PTPRA: variants seen among roughly 807,000 people sequenced by gnomAD.
PTPRA encodes the protein protein tyrosine phosphatase receptor type A, also known as receptor-type tyrosine-protein phosphatase alpha.
In PTPRA, 25 loss-of-function variants were observed where a neutral mutation model predicts 104.8. That is an observed-to-expected ratio of 0.24 (90% CI 0.17 to 0.33). The LOEUF is 0.33. PTPRA is among the 10% of genes least tolerant of loss of function. The pLI is 1.00. For missense variants in PTPRA, 765 were observed against 1,015.3 expected, an observed-to-expected ratio of 0.75 and a Z score of 3.35; for synonymous variants, 323 against 368.9, an observed-to-expected ratio of 0.88 and a Z score of 1.43.
chr20:2,893,562 A>G (rs764117995), intron 1 of PTPRA, among the ~76,000 whole-genome samples: 1 of 152,192 alleles, frequency 6.6e-6, no homozygotes, highest in African/African-American at 2.4e-5. Context: ...TATATATCAT[A>G]TATTTAATCA....
At chr20:2,993,188 A>G (rs1249223058) in intron 9 of PTPRA, among the ~76,000 whole-genome samples, 1 of 152,148 alleles carries the variant, frequency 6.6e-6, no homozygotes, top group Non-Finnish European at 1.5e-5. Flanking sequence ...TGTCTCCAAA[A>G]CTCAAAATGG....
At chr20:2,934,341 C>T (rs993810673) in intron 2 of PTPRA, among the ~76,000 whole-genome samples, 21 of 152,120 alleles carry the variant, frequency 1.4e-4, no homozygotes, top group Admixed American at 1.2e-3. Flanking sequence ...TGGGCTCAAG[C>T]GACCTGCCCA....
chr20:3,035,680 C>A lies in PTPRA; in HGVS notation c.2016C>A (p.Thr672=), dbSNP rs576742252. Residue 672 remains threonine, a synonymous_variant, in exon 21 of 24, where the codon ACC becomes ACA. Transcript: ENST00000399903. The surrounding 1 kb of genome is among the most constrained non-coding windows in gnomAD (Gnocchi z 5.8). ...AGGAGGAGGAATGTGAGAGCTACAC[C>A]GTCCGAGACCTCCTGGTCACCAACA... ...LKKEEECESY[T]VRDLLVTNTR... The A allele has an allele frequency of 6.2e-7, 1 of 1,614,174 alleles. No individual in the cohort carries two copies. The highest frequency in any genetic ancestry group is 1.1e-5 in the South Asian group (1 of 91,082).
At chr20:2,911,881 A>G (rs2059735471) in intron 1 of PTPRA, among the ~76,000 whole-genome samples, 1 of 151,814 alleles carries the variant, frequency 6.6e-6, no homozygotes, top group Non-Finnish European at 1.5e-5. Flanking sequence ...AAGTCAGTGA[A>G]AAAAAAAGAC....
intron 1 of PTPRA, among the ~76,000 whole-genome samples, chr20:2,892,015 C>T (rs573703292): frequency 3.3e-5 from 5 of 151,906 alleles, no homozygotes; most frequent in Non-Finnish European, 7.4e-5. Flanking sequence ...CTGGGCCGGG[C>T]GCGGTGGCTC....
Position 3,037,947 on chromosome 20 carries a change from A to G in PTPRA, c.2335-112A>G. 5.4e-6 allele frequency: 5 copies of G among 922,840 alleles called. No individual in the cohort carries two copies. The highest frequency in any genetic ancestry group is 8.6e-6 in the Non-Finnish European group (5 of 580,784). The allele number at this position is 922,840 out of a possible 1,614,324, so 57.2% of individuals were successfully genotyped here. ...AGAGCTCAGGTGAAAGTTCAAAAAC[A>G]TTCAGTTCCTCTTGATTTTCCATCT... On this transcript the variant is annotated intron_variant, in intron 23 of 23. Transcript: ENST00000399903. The surrounding 1 kb of genome is among the most constrained non-coding windows in gnomAD (Gnocchi z 4.3).
At chr20:2,906,697 A>G (rs2059439491) in intron 1 of PTPRA, among the ~76,000 whole-genome samples, 1 of 152,192 alleles carries the variant, frequency 6.6e-6, no homozygotes, top group African/African-American at 2.4e-5. Context: ...GTATTTATCT[A>G]TTAATGCAGG....
At chr20:2,911,944 C>T (rs762452303) in intron 1 of PTPRA, among the ~76,000 whole-genome samples, 6 of 151,926 alleles carry the variant, frequency 3.9e-5, no homozygotes, top group African/African-American at 9.7e-5. Context: ...TATTCAGATT[C>T]GATTAAGAAA....
At chr20:2,879,017 G>T (rs2089903120) in intron 1 of PTPRA, among the ~76,000 whole-genome samples, 1 of 152,188 alleles carries the variant, frequency 6.6e-6, no homozygotes, top group South Asian at 2.1e-4. Context: ...GAAATACCAG[G>T]CATTGTGCCG....
chr20:3,007,030 G>A (rs1049482287), intron 10 of PTPRA, among the ~76,000 whole-genome samples: 1 of 152,136 alleles, frequency 6.6e-6, no homozygotes, highest in African/African-American at 2.4e-5. Context: ...AATATGATTG[G>A]TATACTGTAC....
intron 2 of PTPRA, among the ~76,000 whole-genome samples, chr20:2,946,211 G>A (rs1253061269): frequency 6.6e-6 from 1 of 152,080 alleles, no homozygotes; most frequent in Non-Finnish European, 1.5e-5. Flanking sequence ...GTATGTGGGA[G>A]GAGGGAGGGG....
chr20:2,910,589 G>GTTTTTTTTTTTTTTTTTTTTTATTTTTT (rs1423909050), intron 1 of PTPRA, among the ~76,000 whole-genome samples: 2 of 57,986 alleles, frequency 3.4e-5, no homozygotes, highest in South Asian at 7.1e-4. Flanking sequence ...TTTTTTTTTT[G>GTTTTTTTTTTTTTTTTTTTTTATTTTTT]TTTTTTTTTT....
intron 13 of PTPRA, 50 bp downstream of exon 13, chr20:3,017,963 A>G (rs1429609409): frequency 6.7e-7 from 1 of 1,484,164 alleles, no homozygotes; most frequent in African/African-American, 1.4e-5. Context: ...TCTGCATATA[A>G]GCTCTGAGTT....
Position 3,022,063 on chromosome 20 carries a change from A to G in PTPRA, c.1171A>G (p.Met391Val), listed in dbSNP as rs775582625. 7 of 1,614,062 alleles carry G rather than the reference A, an allele frequency of 4.3e-6. No homozygotes were observed. In the Admixed American group the frequency reaches 8.3e-5, roughly 19 times the overall value. ...RKFCIQQVGD[M>V]TNRKPQRLIT... ...TCTCCTCACTTCACAGGTGGGCGAC[A>G]TGACCAACAGAAAGCCACAGCGCCT... The change falls in exon 15 of 24, where the codon ATG becomes GTG. Residue 391 changes from methionine (M) to valine (V), a missense_variant. By Grantham distance (21) the Met-to-Val change is conservative. Transcript: ENST00000399903. This position sits in a 1 kb window ranked among gnomAD's most constrained non-coding sequence, Gnocchi z 4.6.
intron 3 of PTPRA, among the ~76,000 whole-genome samples, chr20:2,948,432 TCATC>T (rs1222112054): frequency 6.6e-6 from 1 of 152,252 alleles, no homozygotes; most frequent in African/African-American, 2.4e-5. Flanking sequence ...GTTCAGCAGT[TCATC>T]CATTCTCTTC....
At chr20:2,980,099 A>G (rs917775556) in intron 6 of PTPRA, among the ~76,000 whole-genome samples, 4 of 150,298 alleles carry the variant, frequency 2.7e-5, no homozygotes, top group Admixed American at 1.3e-4. Context: ...TTTAGTAGAG[A>G]TGGGGTTTCT....
intron 1 of PTPRA, among the ~76,000 whole-genome samples, chr20:2,878,450 TC>T (rs1171867156): frequency 6.6e-6 from 1 of 152,202 alleles, no homozygotes; most frequent in African/African-American, 2.4e-5. Context: ...ACTCAAGTGA[TC>T]CACCCGCCTT....
At chr20:2,868,617 G>C (rs1433375799), upstream of PTPRA, among the ~76,000 whole-genome samples, 4 of 102,602 alleles carry the variant, frequency 3.9e-5, no homozygotes, top group Admixed American at 1.2e-4. Context: ...ATCATTCTGG[G>C]CTTTTTTTTT....
chr20:2,968,400 C>T (rs1047615987), intron 5 of PTPRA, among the ~76,000 whole-genome samples: 12 of 151,642 alleles, frequency 7.9e-5, no homozygotes, highest in Non-Finnish European at 1.3e-4. Context: ...GGGTCTTTTT[C>T]GTTCATTATT....
Sources: allele counts gnomAD v4.1 joint callset (sites outside exome capture counted in the v4.1 genomes callset), GRCh38; gene constraint gnomAD v4.1.1; non-coding constraint Gnocchi (gnomAD v3.1); transcripts MANE v1.5; gene names NCBI Gene and HGNC (gene_info 2026-07-23, HGNC 2026-07-21).